LDAH: variants seen among roughly 807,000 people sequenced by gnomAD.
The protein encoded by LDAH is lipid droplet associated hydrolase, also known as lipid droplet-associated hydrolase.
LDAH carries 26 observed loss-of-function variants against 29.6 expected under a neutral mutation model. The observed-to-expected ratio is 0.88, with a 90% CI of 0.64 to 1.22. LDAH has a LOEUF of 1.22. LDAH is among the 50% of genes most tolerant of loss of function. The pLI is 0.00. For synonymous variants in LDAH, 117 were observed against 133.0 expected, an observed-to-expected ratio of 0.88 and a Z score of 0.83; for missense variants, 344 against 387.3, an observed-to-expected ratio of 0.89 and a Z score of 0.94.
At chr2:20,727,803 T>C (rs983452344) in intron 5 of LDAH, among the ~76,000 whole-genome samples, 2 of 152,198 alleles carry the variant, frequency 1.3e-5, no homozygotes, top group African/African-American at 4.8e-5. Context: ...AAAATCCATA[T>C]ATGTTCTTTA....
intron 3 of LDAH, among the ~76,000 whole-genome samples, chr2:20,788,645 G>C (rs1177764735): frequency 1.3e-5 from 2 of 152,074 alleles, no homozygotes; most frequent in African/African-American, 4.8e-5. Context: ...CCACTAGAGA[G>C]ACGTACAAGA....
intron 1 of LDAH, among the ~76,000 whole-genome samples, chr2:20,807,125 A>G (rs932060909): frequency 6.6e-6 from 1 of 152,090 alleles, no homozygotes; most frequent in Non-Finnish European, 1.5e-5. Flanking sequence ...AAAATAATAA[A>G]CAAATATGAA....
intron 1 of LDAH, among the ~76,000 whole-genome samples, chr2:20,813,807 T>C (rs903194478): frequency 6.6e-6 from 1 of 152,256 alleles, no homozygotes; most frequent in Non-Finnish European, 1.5e-5. Flanking sequence ...TTTCACTGAC[T>C]ACAAGTGTGT....
intron 3 of LDAH, among the ~76,000 whole-genome samples, chr2:20,778,036 G>A (rs1403941121): frequency 6.6e-6 from 1 of 152,168 alleles, no homozygotes; most frequent in Admixed American, 6.5e-5. Context: ...AGAACTGCCC[G>A]AATTGGTGGA....
At chr2:20,737,453 C>A (rs1446148892) in intron 5 of LDAH, among the ~76,000 whole-genome samples, 1 of 152,074 alleles carries the variant, frequency 6.6e-6, no homozygotes, top group African/African-American at 2.4e-5. Context: ...GACAAACAAA[C>A]CTGTAAAGAG....
rs184136203 is a variant in LDAH, at chr2:20,737,975, C to G, written c.703+1996G>C. 1.8e-3 allele frequency among the ~76,000 whole-genome samples: 276 copies of G among 152,024 alleles called. 3 individuals are homozygous for G. In the East Asian group the frequency reaches 0.019, roughly 10 times the overall value. ...AAGATAAAAATATCGATTCTTGGGCCGGACATGGTGGCGCATGCCTGTAAT... is the reference window on the plus strand; with the variant it reads ...AAGATAAAAATATCGATTCTTGGGCGGGACATGGTGGCGCATGCCTGTAAT... On this transcript the variant is annotated intron_variant, in intron 5 of 6. Coordinates refer to ENST00000237822, the MANE Select transcript of LDAH (RefSeq NM_021925.4).
At chr2:20,786,115 G>T (rs1201070383) in intron 3 of LDAH, among the ~76,000 whole-genome samples, 1 of 152,166 alleles carries the variant, frequency 6.6e-6, no homozygotes, top group African/African-American at 2.4e-5. Flanking sequence ...GATGTATTAA[G>T]TAATAGGAAT....
At chr2:20,701,675 C>T in intron 5 of LDAH, 23 bp from the exon 6 acceptor site, 2 of 1,582,018 alleles carry the variant, frequency 1.3e-6, no homozygotes, top group South Asian at 1.1e-5. Context: ...AATAAAAAGT[C>T]AAACATTTAG....
intron 5 of LDAH, among the ~76,000 whole-genome samples, chr2:20,717,064 G>C (rs565219590): frequency 1.3e-5 from 2 of 152,250 alleles, no homozygotes; most frequent in African/African-American, 4.8e-5. Context: ...GAGAAGAAAA[G>C]ACAAACTTGA....
intron 4 of LDAH, among the ~76,000 whole-genome samples, chr2:20,748,091 C>T (rs1450276152): frequency 1.3e-5 from 2 of 152,112 alleles, no homozygotes; most frequent in Non-Finnish European, 2.9e-5. Flanking sequence ...CATTTAGCTC[C>T]AGAAATAATT....
At chr2:20,753,047 G>C (rs766843719) in intron 4 of LDAH, among the ~76,000 whole-genome samples, 1 of 152,134 alleles carries the variant, frequency 6.6e-6, no homozygotes, top group East Asian at 1.9e-4. Context: ...ATAAACACAT[G>C]CATCAGGTCA....
At chr2:20,706,850 T>A (rs1158580738) in intron 5 of LDAH, among the ~76,000 whole-genome samples, 1 of 152,230 alleles carries the variant, frequency 6.6e-6, no homozygotes, top group Non-Finnish European at 1.5e-5. Flanking sequence ...TGAAAAGTTT[T>A]CAGGCTACAG....
chr2:20,682,827 T>C (rs1409728246), downstream of LDAH, among the ~76,000 whole-genome samples: 1 of 152,204 alleles, frequency 6.6e-6, no homozygotes, highest in African/African-American at 2.4e-5. Context: ...ATCTATTAAC[T>C]GTGAGGTCCT....
At chr2:20,812,179 A>G (rs777719742) in intron 1 of LDAH, among the ~76,000 whole-genome samples, 4 of 152,252 alleles carry the variant, frequency 2.6e-5, no homozygotes, top group Non-Finnish European at 5.9e-5. Context: ...TGAGCCACAG[A>G]ACTAAAGCTC....
intron 4 of LDAH, among the ~76,000 whole-genome samples, chr2:20,771,194 T>A (rs1198526116): frequency 6.6e-6 from 1 of 152,198 alleles, no homozygotes; most frequent in Admixed American, 6.5e-5. Flanking sequence ...AGACAGTATA[T>A]CTGACATATA....
At chr2:20,807,554 A>T (rs1368106941) in intron 1 of LDAH, among the ~76,000 whole-genome samples, 1 of 152,162 alleles carries the variant, frequency 6.6e-6, no homozygotes, top group Non-Finnish European at 1.5e-5. Context: ...AAATTTAATC[A>T]GTTTAAGTTA....
chr2:20,816,572 A>G (rs1267740292), intron 1 of LDAH, among the ~76,000 whole-genome samples: 1 of 152,140 alleles, frequency 6.6e-6, no homozygotes, highest in Non-Finnish European at 1.5e-5. Context: ...TATATGCACC[A>G]AACAACAGAT....
At chr2:20,820,463 C>T (rs1166894686) in intron 1 of LDAH, among the ~76,000 whole-genome samples, 10 of 152,224 alleles carry the variant, frequency 6.6e-5, no homozygotes, top group African/African-American at 1.9e-4. Context: ...TAATACCACA[C>T]ATCTACAACT....
chr2:20,808,507 C>T (rs138490514), intron 1 of LDAH, among the ~76,000 whole-genome samples: 5,982 of 151,698 alleles, frequency 0.039, 156 homozygotes, highest in African/African-American at 0.057. Context: ...ACTAAGAATA[C>T]AAAAAAATTA....
Sources: allele counts gnomAD v4.1 joint callset (sites outside exome capture counted in the v4.1 genomes callset), GRCh38; gene constraint gnomAD v4.1.1; transcripts MANE v1.5; gene names NCBI Gene and HGNC (gene_info 2026-07-23, HGNC 2026-07-21).